The following STK39 variants were observed in gnomAD, a reference collection of about 807,000 sequenced individuals.
The protein encoded by STK39 is STE20/SPS1-related proline-alanine-rich protein kinase.
Under a neutral mutation model 77.8 loss-of-function variants are expected in STK39, and 20 were observed. That is an observed-to-expected ratio of 0.26 (90% CI 0.18 to 0.37). The LOEUF (loss-of-function observed/expected upper bound fraction) is 0.37, where lower values mean the gene tolerates loss of function less well. Ranked by LOEUF, STK39 falls within the 10% of genes least tolerant of loss-of-function variation. STK39 has a pLI of 1.00. For synonymous variants in STK39, 246 were observed against 234.1 expected (o/e 1.05, Z -0.47); for missense variants, 479 against 656.5 (o/e 0.73, Z 2.95).
intron 16 of STK39, 130 bp from the exon 17 acceptor site, chr2:167,964,856 A>C (rs1387659542): frequency 2.8e-6 from 2 of 722,734 alleles, no homozygotes; most frequent in African/African-American, 3.6e-5. Context: ...AAACATTGCA[A>C]AGTCCATATA....
At chr2:168,240,750 A>G (rs1469618645) in intron 1 of STK39, among the ~76,000 whole-genome samples, 1 of 152,260 alleles carries the variant, frequency 6.6e-6, no homozygotes, top group East Asian at 1.9e-4. Context: ...ACTGGTATAC[A>G]GTCAGGAAGA....
At chr2:168,115,022 G>A (rs1037755795) in intron 10 of STK39, among the ~76,000 whole-genome samples, 4 of 152,116 alleles carry the variant, frequency 2.6e-5, no homozygotes, top group Non-Finnish European at 4.4e-5. Context: ...ATGGCCCCAA[G>A]AGTTCAGGAC....
chr2:168,087,617 A>T (rs75094419), intron 10 of STK39, among the ~76,000 whole-genome samples: 2,440 of 152,318 alleles, frequency 0.016, 64 homozygotes, highest in African/African-American at 0.056. Flanking sequence ...TGGGAATGTT[A>T]GGCTTGCCTA....
At chr2:168,107,037 G>A (rs536993517) in intron 10 of STK39, among the ~76,000 whole-genome samples, 7 of 152,188 alleles carry the variant, frequency 4.6e-5, no homozygotes, top group African/African-American at 9.6e-5. Context: ...TTCATGTCAC[G>A]TAATTTTAAA....
intron 5 of STK39, among the ~76,000 whole-genome samples, chr2:168,160,946 G>C (rs991191803): frequency 6.6e-6 from 1 of 151,454 alleles, no homozygotes; most frequent in African/African-American, 2.4e-5. Context: ...CGGGGGGTGG[G>C]GGTGGGGGGC....
intron 10 of STK39, among the ~76,000 whole-genome samples, chr2:168,089,168 C>T (rs1686450084): frequency 6.6e-6 from 1 of 152,182 alleles, no homozygotes; most frequent in South Asian, 2.1e-4. Flanking sequence ...TGATTTTTCC[C>T]TCCAAATTCA....
chr2:168,240,078 A>G (rs982436600), intron 1 of STK39, among the ~76,000 whole-genome samples: 1 of 152,248 alleles, frequency 6.6e-6, no homozygotes, highest in African/African-American at 2.4e-5. Context: ...TCTTTGCTAC[A>G]TAGATGAAAA....
At chr2:168,216,218 C>G (rs1320964397) in intron 1 of STK39, among the ~76,000 whole-genome samples, 1 of 152,026 alleles carries the variant, frequency 6.6e-6, no homozygotes, top group African/African-American at 2.4e-5. Flanking sequence ...GGTGACCTGA[C>G]CAGAGGTACA....
chr2:168,035,449 G>A (rs1684926905), intron 14 of STK39, among the ~76,000 whole-genome samples: 1 of 152,054 alleles, frequency 6.6e-6, no homozygotes, highest in Admixed American at 6.5e-5. Context: ...AATAACATAA[G>A]TAAAAATATA....
chr2:167,967,213 C>G (rs975674318), intron 16 of STK39, among the ~76,000 whole-genome samples: 2 of 152,302 alleles, frequency 1.3e-5, no homozygotes, highest in Middle Eastern at 6.8e-3. Context: ...TCTTGGTTTT[C>G]CCAAATAAAA....
intron 2 of STK39, among the ~76,000 whole-genome samples, chr2:168,170,841 G>A (rs1053322212): frequency 2.0e-5 from 3 of 152,190 alleles, no homozygotes; most frequent in Non-Finnish European, 4.4e-5. Flanking sequence ...AAGGGAGACT[G>A]TTGTACTAAA....
intron 10 of STK39, among the ~76,000 whole-genome samples, chr2:168,118,582 T>C (rs906766747): frequency 1.5e-5 from 2 of 135,716 alleles, no homozygotes; most frequent in African/African-American, 5.5e-5. Flanking sequence ...AAGGAGTCAC[T>C]TTCCCAGAAC....
At chr2:168,098,943 T>C (rs1475272700) in intron 10 of STK39, among the ~76,000 whole-genome samples, 1 of 152,218 alleles carries the variant, frequency 6.6e-6, no homozygotes, top group East Asian at 1.9e-4. Flanking sequence ...CATAGAGCAT[T>C]GCCTGGTCTC....
intron 16 of STK39, among the ~76,000 whole-genome samples, chr2:167,980,241 T>A (rs555736737): frequency 3.9e-5 from 6 of 152,350 alleles, no homozygotes; most frequent in Admixed American, 1.3e-4. Context: ...AAGCTCTCTT[T>A]ACGATCTTGT....
chr2:168,101,580 A>G (rs1458931838), intron 10 of STK39, among the ~76,000 whole-genome samples: 1 of 151,906 alleles, frequency 6.6e-6, no homozygotes, highest in Non-Finnish European at 1.5e-5. Context: ...TCTACTAAAC[A>G]TACAAAAATT....
chr2:168,230,822 A>C (rs1169636626), intron 1 of STK39, among the ~76,000 whole-genome samples: 1 of 152,180 alleles, frequency 6.6e-6, no homozygotes, highest in East Asian at 1.9e-4. Context: ...AAGTCCTGCA[A>C]ATTGTAAACT....
chr2:168,056,986 G>C (rs1685543606), intron 14 of STK39, among the ~76,000 whole-genome samples: 1 of 152,186 alleles, frequency 6.6e-6, no homozygotes, highest in African/African-American at 2.4e-5. Flanking sequence ...GATACTCAAA[G>C]AGCTTGTAAC....
At chr2:168,044,956 G>C (rs144225934) in intron 14 of STK39, among the ~76,000 whole-genome samples, 13 of 152,074 alleles carry the variant, frequency 8.5e-5, no homozygotes, top group African/African-American at 3.1e-4. Flanking sequence ...ATACTGAAGA[G>C]GAATCAACCT....
At chr2:168,193,171 T>A (rs768018048) in intron 1 of STK39, among the ~76,000 whole-genome samples, 6 of 152,206 alleles carry the variant, frequency 3.9e-5, no homozygotes, top group Non-Finnish European at 8.8e-5. Context: ...CACCTCTCCA[T>A]CTGATCTGAT....
Sources: gnomAD v4.1 joint callset for allele counts (sites outside exome capture counted in the v4.1 genomes callset) on GRCh38, gnomAD v4.1.1 for gene constraint, MANE v1.5 for transcripts, NCBI Gene and HGNC (gene_info 2026-07-23, HGNC 2026-07-21) for gene names.